Variants in COL18A1 observed in about 807,000 individuals in gnomAD.
The protein encoded by COL18A1 is collagen type XVIII alpha 1 chain.
Under a neutral mutation model 168.0 loss-of-function variants are expected in COL18A1, and 133 were observed. That is an observed-to-expected ratio of 0.79 (90% CI 0.69 to 0.91). The LOEUF (loss-of-function observed/expected upper bound fraction) is 0.91. COL18A1 is among the 40% of genes least tolerant of loss of function. COL18A1 has a pLI of 0.00. For missense variants in COL18A1, 2,126 were observed against 1,925.4 expected (o/e 1.10, Z -1.95); for synonymous variants, 949 against 809.0 (o/e 1.17, Z -2.94).
intron 2 of COL18A1, chr21:45,422,352 G>A (rs8130384): frequency 0.14 from 57,915 of 426,372 alleles, 5,192 homozygotes; most frequent in African/African-American, 0.31. Flanking sequence ...CCCTGGGCTT[G>A]GTGGGCAGGC....
intron 9 of COL18A1, among the ~76,000 whole-genome samples, chr21:45,479,047 G>A (rs951609632): frequency 3.3e-5 from 5 of 151,696 alleles, no homozygotes; most frequent in African/African-American, 1.2e-4. Flanking sequence ...GGCGGCACGG[G>A]GCCCACCCAC....
rs748770760 is a variant in COL18A1 at position 45,457,691 on chromosome 21, G to C, written c.107-10551G>C. 3.3e-5 allele frequency among the ~76,000 whole-genome samples: 5 copies of C among 152,218 alleles called. No homozygotes were observed. Among genetic ancestry groups the C allele is most frequent in the Non-Finnish European group, 5.9e-5 (4 of 68,040 alleles). ...TGCCTGCCCCATTCAGATTCTGCTT[G>C]CTATGTGCACCTGGCAGCCTTGGCC... On this transcript the variant is annotated intron_variant, in intron 2 of 41. Transcript: ENST00000651438. This position sits in a 1 kb window ranked among gnomAD's most constrained non-coding sequence, Gnocchi z 4.6.
chr21:45,462,326 C>T (rs775795294), intron 2 of COL18A1, among the ~76,000 whole-genome samples: 4 of 152,174 alleles, frequency 2.6e-5, no homozygotes, highest in Non-Finnish European at 4.4e-5. Flanking sequence ...AAGCTTTCAG[C>T]CATTATTTCT....
Position 45,509,448 on chromosome 21 carries a change from G to A in COL18A1, c.3342G>A (p.Arg1114=), listed in dbSNP as rs768775693. The A allele has an allele frequency of 6.5e-7, 1 of 1,534,084 alleles. No homozygotes were observed. Among genetic ancestry groups the A allele is most frequent in the Non-Finnish European group, 8.8e-7 (1 of 1,142,446 alleles). Residue 1114 remains arginine, a synonymous_variant, in exon 39 of 42, where the codon CGG becomes CGA. Transcript: ENST00000651438. ...PRREHPHPTA[R]PWRADDILAS... ...GGGAGCACCCCCACCCCACCGCGCG[G>A]CCCTGGCGGGCAGATGACATCCTGG...
intron 37 of COL18A1, 81 bp downstream of exon 37, chr21:45,506,047 A>AG: frequency 6.2e-7 from 1 of 1,604,790 alleles, no homozygotes; most frequent in Non-Finnish European, 8.5e-7. Context: ...CGAGAGGCTC[A>AG]GGCCCCGGAC....
rs1254242257 is a variant in COL18A1, at chr21:45,479,882, C to A, written c.1249-20C>A. On this transcript the variant is annotated intron_variant, in intron 9 of 41. Coordinates refer to ENST00000651438, the MANE Select transcript of COL18A1 (RefSeq NM_001379500.1). ...ATGGTGGTGCCTTCCCTGACCGGGC[C>A]CCCGGATGTTGTGTTCCAGGGCGAC... The A allele has an allele frequency of 6.2e-7, 1 of 1,613,376 alleles. No homozygotes were observed. Among genetic ancestry groups the A allele is most frequent in the Non-Finnish European group, 8.5e-7 (1 of 1,179,924 alleles).
At chr21:45,459,800 CG>C (rs2034981496) in intron 2 of COL18A1, among the ~76,000 whole-genome samples, 1 of 152,014 alleles carries the variant, frequency 6.6e-6, no homozygotes, top group Non-Finnish European at 1.5e-5. Flanking sequence ...TTGGGCTGCC[CG>C]GGACACTGCC....
At chr21:45,503,874 C>T (rs2037019341) in intron 32 of COL18A1, 137 bp from the exon 33 acceptor site, 3 of 763,502 alleles carry the variant, frequency 3.9e-6, no homozygotes, top group Non-Finnish European at 6.9e-6. Context: ...CTAGGAAGAA[C>T]CTAATTAAAT....
Position 45,498,223 on chromosome 21 carries a change from T to C in COL18A1, c.2683+562T>C, listed in dbSNP as rs186550749. On this transcript the variant is annotated intron_variant, in intron 32 of 41. Transcript: ENST00000651438. This position sits in a 1 kb window ranked among gnomAD's most constrained non-coding sequence, Gnocchi z 4.5. ...GATAAAATGTGAGAAAACCACTGTT[T>C]GAGGATGTCTGGGGGCTGGCAGAGC... The C allele has an allele frequency of 1.2e-3, 852 of 702,726 alleles. 1 individual carries two copies. Among genetic ancestry groups the C allele is most frequent in the Non-Finnish European group, 1.6e-3 (604 of 384,332 alleles). The allele number at this position is 702,726 out of a possible 1,614,324, so 43.5% of individuals were successfully genotyped here.
At chr21:45,465,992 G>A (rs562598580) in intron 2 of COL18A1, among the ~76,000 whole-genome samples, 2 of 152,278 alleles carry the variant, frequency 1.3e-5, no homozygotes, top group South Asian at 2.1e-4. Flanking sequence ...GAGAAGGGAC[G>A]GTCTTGTCCT....
In COL18A1 at chr21:45,473,404, G is replaced by A. The variant is rs1015800109; in HGVS notation, c.652-491G>A. On this transcript the variant is annotated intron_variant, in intron 3 of 41. Transcript: ENST00000651438. The surrounding 1 kb of genome is among the most constrained non-coding windows in gnomAD (Gnocchi z 4.0). ...CGGCGTTTCTGTCCTTGGCTTCTGG[G>A]TTTTGTTTTTGATGAAAAGGTGAAG... is the stretch of plus-strand genomic sequence containing the variant. Among the ~76,000 whole-genome samples, 2 of 152,230 alleles carry A rather than the reference G, an allele frequency of 1.3e-5. No individual in the cohort carries two copies. Among genetic ancestry groups the A allele is most frequent in the African/African-American group, 4.8e-5 (2 of 41,468 alleles).
chr21:45,453,790 G>A (rs1426408867), intron 2 of COL18A1, among the ~76,000 whole-genome samples: 1 of 152,184 alleles, frequency 6.6e-6, no homozygotes, highest in Non-Finnish European at 1.5e-5. Flanking sequence ...GTGGCCCCGA[G>A]GGCCGGAGCT....
intron 2 of COL18A1, chr21:45,456,824 T>C (rs1602425954): frequency 6.6e-7 from 1 of 1,522,750 alleles, no homozygotes. Flanking sequence ...GCCCGTCGCC[T>C]GTGCCTCGCT....
chr21:45,435,807 T>A (rs978065425), intron 2 of COL18A1, among the ~76,000 whole-genome samples: 1 of 152,166 alleles, frequency 6.6e-6, no homozygotes, highest in Non-Finnish European at 1.5e-5. Flanking sequence ...ACAGGTCTGC[T>A]CGGAGGGTGT....
chr21:45,448,254 C>T (rs935892714), intron 2 of COL18A1, among the ~76,000 whole-genome samples: 4 of 151,194 alleles, frequency 2.6e-5, no homozygotes, highest in African/African-American at 9.8e-5. Context: ...ACATTTTTCC[C>T]AGGCACTCCC....
At chr21:45,434,319 G>A (rs547295301) in intron 2 of COL18A1, among the ~76,000 whole-genome samples, 1 of 152,314 alleles carries the variant, frequency 6.6e-6, no homozygotes, top group Non-Finnish European at 1.5e-5. Flanking sequence ...CCCGTGCTGG[G>A]ACGGGCGCAG....
intron 34 of COL18A1, 34 bp downstream of exon 34, chr21:45,504,590 C>A (rs1182478509): frequency 1.9e-6 from 3 of 1,549,062 alleles, no homozygotes; most frequent in Admixed American, 1.9e-5. Context: ...GAGCCCATGT[C>A]CCAGGGGTCT....
At chr21:45,496,317 C>CG (rs1568928729) in intron 29 of COL18A1, 183 bp from the exon 30 acceptor site, 4 of 715,590 alleles carry the variant, frequency 5.6e-6, no homozygotes, top group Middle Eastern at 2.4e-4. Context: ...GAGGTGGGGC[C>CG]GGGGCCAGTT....
rs2034449421 is a variant in COL18A1 at position 45,443,983 on chromosome 21, C to G, written c.107-24259C>G. Among the ~76,000 whole-genome samples, 1 of 152,188 alleles carries G rather than the reference C, an allele frequency of 6.6e-6. No individual in the cohort carries two copies. Among genetic ancestry groups the G allele is most frequent in the Admixed American group, 6.5e-5 (1 of 15,278 alleles). Reference sequence around the variant, plus strand: ...TGTCACAGGGCGAGTAGGTGTCTGGCCCTACCACTGGGGGGCCATGTTGCC... The same window carrying G: ...TGTCACAGGGCGAGTAGGTGTCTGGGCCTACCACTGGGGGGCCATGTTGCC... On this transcript the variant is annotated intron_variant, in intron 2 of 41. Coordinates refer to ENST00000651438, the MANE Select transcript of COL18A1 (RefSeq NM_001379500.1). The surrounding 1 kb of genome is among the most constrained non-coding windows in gnomAD (Gnocchi z 5.2).
Sources: gnomAD v4.1 joint callset for allele counts (sites outside exome capture counted in the v4.1 genomes callset) on GRCh38, gnomAD v4.1.1 for gene constraint, Gnocchi (gnomAD v3.1) non-coding constraint, MANE v1.5 for transcripts, NCBI Gene and HGNC (gene_info 2026-07-23, HGNC 2026-07-21) for gene names.